Variants in EXOC6B observed in about 807,000 individuals in gnomAD.
EXOC6B encodes the protein SEC15 homolog B.
In EXOC6B, 54 loss-of-function variants were observed where a neutral mutation model predicts 113.5. That is an observed-to-expected ratio of 0.48 (90% CI 0.38 to 0.60). EXOC6B has a LOEUF of 0.60. Ranked by LOEUF, EXOC6B falls within the 20% of genes least tolerant of loss-of-function variation. The pLI is 0.00. For missense variants in EXOC6B, 797 were observed against 977.5 expected (o/e 0.82, Z 2.46); for synonymous variants, 357 against 339.0 (o/e 1.05, Z -0.58).
chr2:72,656,287 T>A (rs1674567658), intron 6 of EXOC6B, among the ~76,000 whole-genome samples: 1 of 152,110 alleles, frequency 6.6e-6, no homozygotes, highest in Non-Finnish European at 1.5e-5. Context: ...GTTTAATTGT[T>A]CAATAAATGA....
intron 20 of EXOC6B, chr2:72,289,145 G>T (rs961866642): frequency 1.3e-5 from 3 of 237,720 alleles, no homozygotes; most frequent in Non-Finnish European, 2.5e-5. Context: ...AAATAAAATG[G>T]CTCATGGGCC....
intron 19 of EXOC6B, among the ~76,000 whole-genome samples, chr2:72,363,159 C>T (rs771214396): frequency 6.6e-6 from 1 of 151,946 alleles, no homozygotes; most frequent in Non-Finnish European, 1.5e-5. Context: ...GAAATCCACA[C>T]AAAGCAGAAA....
intron 6 of EXOC6B, among the ~76,000 whole-genome samples, chr2:72,607,077 T>G (rs746536937): frequency 1.3e-5 from 2 of 152,144 alleles, no homozygotes; most frequent in Non-Finnish European, 2.9e-5. Context: ...CTCAGAACAG[T>G]ATTAATTAAG....
chr2:72,808,340 T>C (rs994477809), intron 1 of EXOC6B, among the ~76,000 whole-genome samples: 1 of 152,164 alleles, frequency 6.6e-6, no homozygotes, highest in Admixed American at 6.6e-5. Context: ...TGTAAAGAGA[T>C]ATAAAGAAAG....
At chr2:72,780,436 T>C (rs940389903) in intron 1 of EXOC6B, among the ~76,000 whole-genome samples, 9 of 152,340 alleles carry the variant, frequency 5.9e-5, no homozygotes, top group African/African-American at 2.2e-4. Flanking sequence ...TATTGTTCTA[T>C]TTTTTCCTTC....
chr2:72,536,056 T>G (rs1331218428), intron 8 of EXOC6B, among the ~76,000 whole-genome samples: 1 of 152,096 alleles, frequency 6.6e-6, no homozygotes, highest in Non-Finnish European at 1.5e-5. Context: ...TTATTAACTT[T>G]TTATAGGGAG....
At chr2:72,338,634 T>C (rs536330290) in intron 19 of EXOC6B, among the ~76,000 whole-genome samples, 2 of 152,274 alleles carry the variant, frequency 1.3e-5, no homozygotes, top group South Asian at 4.1e-4. Flanking sequence ...CTGGGAAACA[T>C]GATTAACTTT....
At chr2:72,190,430 T>C (rs1678753727) in intron 20 of EXOC6B, among the ~76,000 whole-genome samples, 1 of 152,220 alleles carries the variant, frequency 6.6e-6, no homozygotes, top group Non-Finnish European at 1.5e-5. Context: ...CACATTCCAG[T>C]TGATTTTCAT....
intron 20 of EXOC6B, among the ~76,000 whole-genome samples, chr2:72,277,987 A>T (rs1341691635): frequency 6.6e-6 from 1 of 152,206 alleles, no homozygotes; most frequent in Non-Finnish European, 1.5e-5. Flanking sequence ...TGTAAAAATT[A>T]AAAAAAATTA....
chr2:72,544,419 A>T (rs1702788330), intron 8 of EXOC6B, among the ~76,000 whole-genome samples: 1 of 152,084 alleles, frequency 6.6e-6, no homozygotes, highest in Admixed American at 6.6e-5. Flanking sequence ...TTTAAAACTG[A>T]GTCCTCATCA....
intron 8 of EXOC6B, among the ~76,000 whole-genome samples, chr2:72,534,068 G>A (rs1702152413): frequency 6.6e-6 from 1 of 152,100 alleles, no homozygotes; most frequent in Non-Finnish European, 1.5e-5. Context: ...GATTGGCATA[G>A]TGAGACTCAA....
intron 6 of EXOC6B, among the ~76,000 whole-genome samples, chr2:72,612,179 G>A (rs1463550862): frequency 1.3e-5 from 2 of 151,988 alleles, no homozygotes; most frequent in Non-Finnish European, 2.9e-5. Flanking sequence ...GAAGGCTGAG[G>A]CACGAGAATG....
chr2:72,362,035 T>A (rs952781071), intron 19 of EXOC6B, among the ~76,000 whole-genome samples: 1 of 152,178 alleles, frequency 6.6e-6, no homozygotes, highest in African/African-American at 2.4e-5. Flanking sequence ...ATCTCTACAT[T>A]GGTTTCCTTA....
chr2:72,685,854 T>C (rs928029247), intron 6 of EXOC6B, among the ~76,000 whole-genome samples: 2 of 152,170 alleles, frequency 1.3e-5, no homozygotes, highest in African/African-American at 4.8e-5. Context: ...TCAGGAACTA[T>C]TGGGTACAGG....
chr2:72,228,392 T>C (rs1681380760), intron 20 of EXOC6B, among the ~76,000 whole-genome samples: 1 of 151,768 alleles, frequency 6.6e-6, no homozygotes, highest in African/African-American at 2.4e-5. Context: ...ACATTAGGTA[T>C]ATCTCCTAAT....
rs190000651 is a variant in EXOC6B at position 72,378,063 on chromosome 2, G to T, written c.2122+1666C>A. 2.0e-5 allele frequency among the ~76,000 whole-genome samples: 3 copies of T among 152,158 alleles called. No individual in the cohort carries two copies. In the East Asian group the frequency reaches 5.8e-4, roughly 29 times the overall value. ...ACTAAATGCAAAAGATGTTTAGCTG[G>T]ACTCTTCCATTCTGGTTGGTCAGAA... is the stretch of plus-strand genomic sequence containing the variant. On this transcript the variant is annotated intron_variant, in intron 19 of 21. Transcript: ENST00000272427.
intron 6 of EXOC6B, among the ~76,000 whole-genome samples, chr2:72,673,629 A>G (rs1363809111): frequency 6.6e-6 from 1 of 152,084 alleles, no homozygotes; most frequent in Non-Finnish European, 1.5e-5. Flanking sequence ...CACTAGACCC[A>G]TGTGTGTTTA....
intron 6 of EXOC6B, among the ~76,000 whole-genome samples, chr2:72,667,664 T>C (rs188028187): frequency 1.1e-4 from 16 of 152,268 alleles, no homozygotes; most frequent in Non-Finnish European, 7.4e-5. Flanking sequence ...GATAACTGGT[T>C]ACCCATATGC....
intron 20 of EXOC6B, among the ~76,000 whole-genome samples, chr2:72,325,659 G>C (rs1416104816): frequency 1.3e-5 from 2 of 151,824 alleles, no homozygotes; most frequent in African/African-American, 4.8e-5. Flanking sequence ...ACTCTCGAGG[G>C]AAGAACCCTC....
Sources: allele counts gnomAD v4.1 joint callset (sites outside exome capture counted in the v4.1 genomes callset), GRCh38; gene constraint gnomAD v4.1.1; transcripts MANE v1.5; gene names NCBI Gene and HGNC (gene_info 2026-07-23, HGNC 2026-07-21).